BAZ2A: variants seen among roughly 807,000 people sequenced by gnomAD.
BAZ2A encodes the protein bromodomain adjacent to zinc finger domain protein 2A.
BAZ2A carries 34 observed loss-of-function variants against 199.9 expected under a neutral mutation model. The ratio of observed to expected loss-of-function variants is 0.17; its 90% confidence interval spans 0.13 to 0.23. BAZ2A has a LOEUF of 0.23. Among genes scored for constraint, BAZ2A ranks in the 10% least tolerant of loss-of-function variants. BAZ2A has a pLI of 1.00. For missense variants in BAZ2A, 2,002 were observed against 2,391.1 expected (o/e 0.84, Z 3.39); for synonymous variants, 857 against 883.9 (o/e 0.97, Z 0.54).
At chr12:56,614,959 T>G (rs1565825585) in intron 3 of BAZ2A, 55 bp downstream of exon 3, 1 of 1,507,814 alleles carries the variant, frequency 6.6e-7, no homozygotes, top group South Asian at 1.2e-5. Flanking sequence ...AAAGCCACTA[T>G]CCCCCCCGAG....
chr12:56,615,126 C>T lies in BAZ2A; in HGVS notation c.618G>A (p.Glu206=), dbSNP rs1042383979. ...SSIQTFAPSQ[E]VGSGIHPDEA... is the part of the protein sequence containing the mutation. ...CATCAGGATGGATACCACTGCCTAC[C>T]TCCTGGGAGGGTGCAAAGGTTTGAA... Residue 206 remains glutamate, a synonymous_variant, in exon 3 of 29, where the codon GAG becomes GAA. Coordinates refer to ENST00000549884, the MANE Select transcript of BAZ2A (RefSeq NM_001300905.2). 14 of 1,613,736 alleles carry T rather than the reference C, an allele frequency of 8.7e-6. No individual in the cohort carries two copies. Among genetic ancestry groups the T allele is most frequent in the Non-Finnish European group, 1.1e-5 (13 of 1,179,850 alleles).
chr12:56,607,502 G>C (rs1001109673), intron 10 of BAZ2A, among the ~76,000 whole-genome samples: 10 of 152,150 alleles, frequency 6.6e-5, no homozygotes, highest in Non-Finnish European at 1.3e-4. Context: ...CACCCCAGTA[G>C]CTGGGACTAC....
At position 56,602,072 on chromosome 12, in the gene BAZ2A, G is replaced by T. The variant is rs149132897; in HGVS notation, c.3545C>A (p.Ser1182Tyr). The change falls in exon 20 of 29, where the codon TCT becomes TAT. Residue 1182 changes from serine (S) to tyrosine (Y), a missense_variant. Physicochemically the swap from Ser to Tyr is moderately radical, Grantham distance 144 (BLOSUM62 -2). Coordinates refer to ENST00000549884, the MANE Select transcript of BAZ2A (RefSeq NM_001300905.2). ...ELAGSNTTAS[S>Y]PARARGRPRK... ...AGGTCGGCCTCGGGCCCGGGCAGGA[G>T]AACTGGCAGTGGTGTTGGAGCCAGC... is the stretch of plus-strand genomic sequence containing the variant. The T allele has an allele frequency of 6.4e-7, 1 of 1,570,194 alleles. No homozygotes were observed. Among genetic ancestry groups the T allele is most frequent in the Non-Finnish European group, 8.6e-7 (1 of 1,157,118 alleles).
At chr12:56,609,606 G>T in intron 10 of BAZ2A, 130 bp downstream of exon 10, 1 of 1,044,458 alleles carries the variant, frequency 9.6e-7, no homozygotes, top group Non-Finnish European at 1.4e-6. Flanking sequence ...CCAAGGAGAA[G>T]CTGATTCAGA....
At chr12:56,619,653 T>C (rs1950848413) in intron 1 of BAZ2A, among the ~76,000 whole-genome samples, 1 of 152,136 alleles carries the variant, frequency 6.6e-6, no homozygotes, top group East Asian at 1.9e-4. Context: ...GAGCATGATA[T>C]ATAAACCCTG....
rs2136656049 is a variant in BAZ2A at position 56,595,727 on chromosome 12, G to A, written c.*2891C>T. 6.6e-6 allele frequency: 1 copy of A among 152,636 alleles called. No individual in the cohort carries two copies. The highest frequency in any genetic ancestry group is 1.9e-4 in the East Asian group (1 of 5,184). 9.5% of individuals were successfully genotyped at this position (152,636 alleles called of 1,614,324 possible). On this transcript the variant is annotated 3_prime_UTR_variant, in exon 29 of 29. Transcript: ENST00000549884. ...ACATCTCACAAGGCAGGACCTGGAT[G>A]CACTGAATCCCCCTTTGCTCCAGCA...
rs748898484 is a variant in BAZ2A at position 56,601,183 on chromosome 12, G to A, written c.4291C>T (p.Pro1431Ser). The change falls in exon 21 of 29, where the codon CCT (proline) becomes TCT (serine). Residue 1431 changes from proline to serine, a missense_variant. Coordinates refer to ENST00000549884, the MANE Select transcript of BAZ2A (RefSeq NM_001300905.2). ...CCCTCACTCCAAGGTCACTCACCAG[G>A]TGGGACAGGCTGGGCTGTCAGCTGG... ...LTQLTAQPVP[P>S]EMCSGWWWIR... 6.2e-7 allele frequency: 1 copy of A among 1,614,050 alleles called. No individual in the cohort carries two copies. The highest frequency in any genetic ancestry group is 8.5e-7 in the Non-Finnish European group (1 of 1,179,898).
In BAZ2A at chr12:56,597,600, G is replaced by GACAC. The variant is rs781134279; in HGVS notation, c.*1014_*1017dup. ...CACACACAGCGCGCGCTCTGAGGCT[G>GACAC]ACACACACACACACACACACAGCGC... On this transcript the variant is annotated 3_prime_UTR_variant, in exon 29 of 29. Coordinates refer to ENST00000549884, the MANE Select transcript of BAZ2A (RefSeq NM_001300905.2). 0.15 allele frequency: 12,499 copies of GACAC among 81,482 alleles called. 1,374 individuals carry two copies. The highest frequency in any genetic ancestry group is 0.3 in the African/African-American group (8,630 of 28,642). The allele number at this position is 81,482 out of a possible 1,614,324, so 5.0% of individuals were successfully genotyped here.
At chr12:56,624,865 T>C (rs556571963) in intron 1 of BAZ2A, among the ~76,000 whole-genome samples, 3 of 152,140 alleles carry the variant, frequency 2.0e-5, no homozygotes, top group Admixed American at 6.6e-5. Flanking sequence ...GAGGCTGCAG[T>C]GGGCTATGAT....
intron 11 of BAZ2A, 129 bp downstream of exon 11, chr12:56,606,504 G>A: frequency 8.3e-7 from 1 of 1,209,738 alleles, no homozygotes. Context: ...TAAATCAAGT[G>A]CAAGAAATTT....
Position 56,595,663 on chromosome 12 carries a change from G to A in BAZ2A, c.*2955C>T, listed in dbSNP as rs1210920076. Reference sequence around the variant, plus strand: ...CTGGTGATGGTCCCATATTTGCTATGACAGGAACACAGAGGTGGCAGCTTA... The same window carrying A: ...CTGGTGATGGTCCCATATTTGCTATAACAGGAACACAGAGGTGGCAGCTTA... On this transcript the variant is annotated 3_prime_UTR_variant, in exon 29 of 29. Coordinates refer to ENST00000549884, the MANE Select transcript of BAZ2A (RefSeq NM_001300905.2). The A allele has an allele frequency of 6.6e-6, 1 of 151,964 alleles. No individual in the cohort carries two copies. Among genetic ancestry groups the A allele is most frequent in the African/African-American group, 2.4e-5 (1 of 41,318 alleles). The allele number at this position is 151,964 out of a possible 1,614,324, so 9.4% of individuals were successfully genotyped here.
chr12:56,612,876 C>T (rs1490757232), intron 5 of BAZ2A, 139 bp downstream of exon 5: 1 of 953,650 alleles, frequency 1.0e-6, no homozygotes, highest in Non-Finnish European at 1.6e-6. Flanking sequence ...CCCGCCTCGG[C>T]CTCCCGAAGT....
At chr12:56,599,882 C>T (rs1265457411) in intron 25 of BAZ2A, 34 bp from the exon 26 acceptor site, 1 of 1,613,606 alleles carries the variant, frequency 6.2e-7, no homozygotes, top group Admixed American at 1.7e-5. Flanking sequence ...AGAATGAGCT[C>T]TCCAGCCTCT....
At chr12:56,606,109 C>A in intron 12 of BAZ2A, 46 bp from the exon 13 acceptor site, 1 of 1,550,788 alleles carries the variant, frequency 6.4e-7, no homozygotes, top group South Asian at 1.2e-5. Flanking sequence ...AGATATCAGT[C>A]ACTATCCTTC....
Position 56,610,463 on chromosome 12 carries a change from G to C in BAZ2A, c.1725C>G (p.Thr575=). Residue 575 remains threonine, a synonymous_variant, in exon 8 of 29, where the codon ACC becomes ACG. Transcript: ENST00000549884. The part of the protein sequence containing the change: ...KKGSHRWQGE[T]WYYGPCGKRM... ...TCTTCCCACAGGGGCCATAATACCA[G>C]GTCTCCCCCTGCCATCGGTGGCTGC... The C allele has an allele frequency of 6.2e-7, 1 of 1,613,802 alleles. No individual in the cohort carries two copies.
chr12:56,621,310 C>T, intron 1 of BAZ2A: 1 of 949,688 alleles, frequency 1.1e-6, no homozygotes, highest in Non-Finnish European at 1.3e-6. Context: ...ATGTCGATGG[C>T]TCACAGAAAT....
At chr12:56,618,347 T>C (rs1348737474) in intron 1 of BAZ2A, among the ~76,000 whole-genome samples, 1 of 152,184 alleles carries the variant, frequency 6.6e-6, no homozygotes, top group Non-Finnish European at 1.5e-5. Flanking sequence ...CTTATATTTG[T>C]AAAGTGCAAT....
At chr12:56,621,157 T>G (rs1565832309) in intron 1 of BAZ2A, 3 of 985,282 alleles carry the variant, frequency 3.0e-6, no homozygotes, top group Non-Finnish European at 2.4e-6. Flanking sequence ...CCATCCTATG[T>G]GCAGTGGACT....
rs1267997429 is a variant in BAZ2A, at chr12:56,603,201, G to A, written c.3279+158C>T. Among the ~76,000 whole-genome samples, 3 of 152,200 alleles carry A rather than the reference G, an allele frequency of 2.0e-5. No individual in the cohort carries two copies. In the East Asian group the frequency reaches 5.8e-4, roughly 29 times the overall value. On this transcript the variant is annotated intron_variant, in intron 18 of 28. Coordinates refer to ENST00000549884, the MANE Select transcript of BAZ2A (RefSeq NM_001300905.2). ...GAGAATCACCTAAGCCCAGGAGGCT[G>A]AGGCTGCAGTGAGCCATGATCGTGC...
Sources: allele counts gnomAD v4.1 joint callset (sites outside exome capture counted in the v4.1 genomes callset), GRCh38; gene constraint gnomAD v4.1.1; transcripts MANE v1.5; gene names NCBI Gene and HGNC (gene_info 2026-07-23, HGNC 2026-07-21).